Variants in RIMBP2 observed in about 807,000 individuals in gnomAD.
RIMBP2 encodes RIMS binding protein 2.
A neutral mutation model predicts 118.6 loss-of-function variants in RIMBP2; 48 were observed. The observed-to-expected ratio is 0.40, with a 90% CI of 0.32 to 0.51. The LOEUF (loss-of-function observed/expected upper bound fraction) is 0.51, where lower values mean the gene tolerates loss of function less well. RIMBP2 is among the 20% of genes least tolerant of loss of function. The pLI is 0.41. For missense variants in RIMBP2, 1,551 were observed against 1,768.3 expected, an observed-to-expected ratio of 0.88 and a Z score of 2.20; for synonymous variants, 762 against 742.9, an observed-to-expected ratio of 1.03 and a Z score of -0.42.
At chr12:130,574,884 C>T (rs1019882108) in intron 2 of RIMBP2, among the ~76,000 whole-genome samples, 2 of 152,046 alleles carry the variant, frequency 1.3e-5, no homozygotes, top group South Asian at 4.1e-4. Context: ...TAGGCCCATG[C>T]GGCCAGGTCT....
chr12:130,629,897 T>C (rs1425209234), intron 1 of RIMBP2, among the ~76,000 whole-genome samples: 1 of 148,718 alleles, frequency 6.7e-6, no homozygotes, highest in Non-Finnish European at 1.5e-5. Flanking sequence ...TTTAAAAACC[T>C]CTAATATGGA....
chr12:130,688,179 T>C lies in RIMBP2; in HGVS notation c.-352+28043A>G, dbSNP rs2065146660. Among the ~76,000 whole-genome samples the C allele has an allele frequency of 6.6e-6, 1 of 152,180 alleles. No homozygotes were observed. Among genetic ancestry groups the C allele is most frequent in the Non-Finnish European group, 1.5e-5 (1 of 68,044 alleles). On this transcript the variant is annotated intron_variant, in intron 1 of 22. Coordinates refer to ENST00000690449, the MANE Select transcript of RIMBP2 (RefSeq NM_001393629.1). The surrounding 1 kb of genome is among the most constrained non-coding windows in gnomAD (Gnocchi z 4.7). ...CTCCCGGCCCAGCCTGCACTGTTCA[T>C]GCTGCTTGGCTTTGTGAACAGTTGC...
chr12:130,404,557 C>T (rs985376595), intron 21 of RIMBP2, among the ~76,000 whole-genome samples: 4 of 152,198 alleles, frequency 2.6e-5, no homozygotes, highest in African/African-American at 9.6e-5. Flanking sequence ...GCCTCAGCCT[C>T]CGCATGAGTC....
At chr12:130,545,640 C>T (rs895204028) in intron 2 of RIMBP2, among the ~76,000 whole-genome samples, 8 of 152,132 alleles carry the variant, frequency 5.3e-5, no homozygotes, top group African/African-American at 1.4e-4. Context: ...AGACCCCAGC[C>T]GGGGTAACAT....
chr12:130,450,548 G>A lies in RIMBP2; in HGVS notation c.505-272C>T, dbSNP rs375658466. Among the ~76,000 whole-genome samples the A allele has an allele frequency of 2.3e-4, 35 of 151,978 alleles. No homozygotes were observed. Among genetic ancestry groups the A allele is most frequent in the Admixed American group, 1.8e-3 (27 of 15,270 alleles). On this transcript the variant is annotated intron_variant, in intron 8 of 22. Transcript: ENST00000690449. The surrounding 1 kb of genome is among the most constrained non-coding windows in gnomAD (Gnocchi z 4.8). The stretch of plus-strand genomic sequence containing the variant: ...CAGGAAGGTAAGGCTCAAAGACTCC[G>A]CCCAGTGTCTCCTACAGCAATCCCG...
chr12:130,639,744 CCTAA>C (rs199559007), intron 1 of RIMBP2, among the ~76,000 whole-genome samples: 15 of 152,034 alleles, frequency 9.9e-5, no homozygotes, highest in African/African-American at 2.7e-4. Flanking sequence ...GGACCCGCAC[CCTAA>C]CTATTTTGTT....
At chr12:130,545,616 A>C (rs2055051444) in intron 2 of RIMBP2, among the ~76,000 whole-genome samples, 2 of 152,182 alleles carry the variant, frequency 1.3e-5, no homozygotes, top group African/African-American at 4.8e-5. Flanking sequence ...TATTTCTATC[A>C]GGTGCGTCCC....
chr12:130,532,447 G>A (rs200515684), intron 2 of RIMBP2, among the ~76,000 whole-genome samples: 10,072 of 145,132 alleles, frequency 0.069, 62 homozygotes, highest in East Asian at 0.11. Flanking sequence ...TAGGAGGGAC[G>A]TCTAATGAGA....
At chr12:130,715,108 C>T (rs879854307) in intron 1 of RIMBP2, among the ~76,000 whole-genome samples, 2 of 152,254 alleles carry the variant, frequency 1.3e-5, no homozygotes, top group Non-Finnish European at 2.9e-5. Context: ...GCTCTCCCTC[C>T]TCTCAGGCCT....
chr12:130,694,835 G>A (rs936474728), intron 1 of RIMBP2, among the ~76,000 whole-genome samples: 8 of 152,298 alleles, frequency 5.3e-5, no homozygotes, highest in South Asian at 2.1e-4. Context: ...TTGGACACGC[G>A]GACAGCCATG....
chr12:130,498,342 A>G (rs183617552), intron 4 of RIMBP2, among the ~76,000 whole-genome samples: 5 of 152,334 alleles, frequency 3.3e-5, no homozygotes, highest in African/African-American at 7.2e-5. Flanking sequence ...TCCGTTACTA[A>G]TTCATCAATC....
chr12:130,610,551 CTTTTTTT>C (rs386378269), intron 2 of RIMBP2, among the ~76,000 whole-genome samples: 267 of 81,548 alleles, frequency 3.3e-3, no homozygotes, highest in African/African-American at 0.012. Flanking sequence ...AATTTTCCTG[CTTTTTTT>C]TTTTTTTTTT....
chr12:130,600,964 C>T (rs1053440122), intron 2 of RIMBP2, among the ~76,000 whole-genome samples: 2 of 152,166 alleles, frequency 1.3e-5, no homozygotes, highest in African/African-American at 4.8e-5. Context: ...CTTAACCTCC[C>T]CACACCTCTA....
intron 4 of RIMBP2, among the ~76,000 whole-genome samples, chr12:130,498,144 C>T (rs1307690082): frequency 6.6e-6 from 1 of 151,524 alleles, no homozygotes; most frequent in Non-Finnish European, 1.5e-5. Context: ...TCCGGCTGCC[C>T]CGTCATTCTC....
chr12:130,458,733 C>A (rs1310948980), intron 6 of RIMBP2, among the ~76,000 whole-genome samples: 1 of 33,438 alleles, frequency 3.0e-5, no homozygotes, highest in African/African-American at 9.7e-5. Context: ...TCCCTAATGT[C>A]GTGTCTATGA....
In RIMBP2 at chr12:130,523,332, C is replaced by T. The variant is rs1031467389; in HGVS notation, c.-216-5415G>A. Among the ~76,000 whole-genome samples, 11 of 152,184 alleles carry T rather than the reference C, an allele frequency of 7.2e-5. No individual in the cohort carries two copies. The highest frequency in any genetic ancestry group is 2.2e-4 in the African/African-American group (9 of 41,450). On this transcript the variant is annotated intron_variant, in intron 2 of 22. Coordinates refer to ENST00000690449, the MANE Select transcript of RIMBP2 (RefSeq NM_001393629.1). This position sits in a 1 kb window ranked among gnomAD's most constrained non-coding sequence, Gnocchi z 4.4. ...GCACCAGGAACCGAATCAGCCAGCA[C>T]CTTGGTCTTAGACTTCCAGCCTCCA...
chr12:130,456,802 G>A (rs938186532), intron 6 of RIMBP2, 102 bp from the exon 7 acceptor site: 3 of 813,586 alleles, frequency 3.7e-6, no homozygotes, highest in Admixed American at 2.4e-5. Context: ...TGTGCACTGT[G>A]TGCACGTGTG....
intron 2 of RIMBP2, among the ~76,000 whole-genome samples, chr12:130,564,720 G>GT (rs1183378110): frequency 6.6e-6 from 1 of 152,206 alleles, no homozygotes; most frequent in African/African-American, 2.4e-5. Flanking sequence ...AACAGGGGAT[G>GT]TAAGAGGGGG....
At chr12:130,521,645 A>G (rs1158600700) in intron 2 of RIMBP2, among the ~76,000 whole-genome samples, 1 of 152,188 alleles carries the variant, frequency 6.6e-6, no homozygotes. Context: ...GTGATGCCTC[A>G]TGCCCCCTGC....
Sources: gnomAD v4.1 joint callset for allele counts (sites outside exome capture counted in the v4.1 genomes callset) on GRCh38, gnomAD v4.1.1 for gene constraint, Gnocchi (gnomAD v3.1) non-coding constraint, MANE v1.5 for transcripts, NCBI Gene and HGNC (gene_info 2026-07-23, HGNC 2026-07-21) for gene names.